The following KCNQ5 variants were observed in gnomAD, a reference collection of about 807,000 sequenced individuals.
KCNQ5 encodes the protein potassium voltage-gated channel subfamily Q member 5, also known as potassium voltage-gated channel subfamily KQT member 5.
Under a neutral mutation model 98.2 loss-of-function variants are expected in KCNQ5, and 30 were observed. The ratio of observed to expected loss-of-function variants is 0.31; its 90% CI spans 0.23 to 0.41. The LOEUF is 0.41. KCNQ5 is among the 10% of genes least tolerant of loss of function. KCNQ5 has a pLI of 1.00. For synonymous variants in KCNQ5, 458 were observed against 449.4 expected (o/e 1.02, Z -0.24); for missense variants, 835 against 1,182.5 (o/e 0.71, Z 4.31).
At chr6:72,655,024 CTGTCTTT>C (rs1425084478) in intron 1 of KCNQ5, among the ~76,000 whole-genome samples, 2 of 87,474 alleles carry the variant, frequency 2.3e-5, no homozygotes, top group Non-Finnish European at 3.9e-5. Context: ...CAAGGTCTGT[CTGTCTTT>C]CTTTCTTTCT....
At chr6:73,188,745 G>A (rs1450632885) in intron 11 of KCNQ5, among the ~76,000 whole-genome samples, 1 of 152,152 alleles carries the variant, frequency 6.6e-6, no homozygotes, top group Non-Finnish European at 1.5e-5. Context: ...AGCATTTTGG[G>A]AGGCTGAGGT....
chr6:73,116,855 A>C (rs76584804), intron 7 of KCNQ5, among the ~76,000 whole-genome samples: 4,066 of 152,328 alleles, frequency 0.027, 88 homozygotes, highest in East Asian at 0.1. Flanking sequence ...TTGAAAAAAT[A>C]AGCTCTGTGT....
At chr6:72,867,215 G>A (rs757405344) in intron 1 of KCNQ5, among the ~76,000 whole-genome samples, 4 of 152,164 alleles carry the variant, frequency 2.6e-5, no homozygotes, top group Non-Finnish European at 5.9e-5. Context: ...CTTAGCTTTT[G>A]CTTTCTCAGA....
At chr6:73,142,832 C>T (rs1301732679) in intron 10 of KCNQ5, among the ~76,000 whole-genome samples, 1 of 152,122 alleles carries the variant, frequency 6.6e-6, no homozygotes. Flanking sequence ...AGGAGAATCA[C>T]TTGAATCCAG....
intron 1 of KCNQ5, among the ~76,000 whole-genome samples, chr6:72,774,136 G>A (rs767782411): frequency 5.3e-5 from 8 of 152,086 alleles, no homozygotes; most frequent in Non-Finnish European, 8.8e-5. Context: ...GCAAATCTAG[G>A]TGTAAAGGTT....
chr6:72,677,978 C>T (rs1767498587), intron 1 of KCNQ5, among the ~76,000 whole-genome samples: 1 of 152,024 alleles, frequency 6.6e-6, no homozygotes, highest in Admixed American at 6.5e-5. Context: ...ATCAGATGAA[C>T]AAGATATTAT....
At chr6:73,180,246 A>G (rs145055709) in intron 11 of KCNQ5, among the ~76,000 whole-genome samples, 2 of 152,352 alleles carry the variant, frequency 1.3e-5, no homozygotes, top group East Asian at 3.9e-4. Flanking sequence ...GCCAGCGCCC[A>G]GCAGTTAACA....
At chr6:72,868,715 A>G (rs568520287) in intron 1 of KCNQ5, among the ~76,000 whole-genome samples, 34 of 152,178 alleles carry the variant, frequency 2.2e-4, no homozygotes, top group Non-Finnish European at 3.8e-4. Context: ...ACAGAGCTAA[A>G]TGGATGGCAG....
intron 1 of KCNQ5, among the ~76,000 whole-genome samples, chr6:72,670,899 G>T (rs1004808964): frequency 3.3e-5 from 5 of 152,192 alleles, no homozygotes; most frequent in African/African-American, 1.2e-4. Context: ...AGATCCTGTA[G>T]ACCCGGTAGG....
intron 1 of KCNQ5, among the ~76,000 whole-genome samples, chr6:72,673,446 A>T (rs753797355): frequency 1.3e-5 from 2 of 152,204 alleles, no homozygotes; most frequent in Non-Finnish European, 2.9e-5. Flanking sequence ...TTTACTGAGT[A>T]TAGTAAACAA....
intron 1 of KCNQ5, among the ~76,000 whole-genome samples, chr6:72,966,075 G>C (rs765903398): frequency 6.6e-5 from 10 of 152,142 alleles, no homozygotes; most frequent in Non-Finnish European, 1.5e-4. Flanking sequence ...ATCAGGTCCT[G>C]AAGCCAAATA....
chr6:73,167,282 C>G (rs1008224401), intron 10 of KCNQ5, among the ~76,000 whole-genome samples: 1 of 152,218 alleles, frequency 6.6e-6, no homozygotes, highest in Non-Finnish European at 1.5e-5. Flanking sequence ...ATGTATCTGA[C>G]AGGAGCAGGC....
intron 9 of KCNQ5, among the ~76,000 whole-genome samples, chr6:73,130,660 A>G (rs1299568183): frequency 6.6e-6 from 1 of 152,204 alleles, no homozygotes; most frequent in Non-Finnish European, 1.5e-5. Context: ...TTTTTAATCA[A>G]TTCAATGTGT....
At chr6:72,896,301 C>A (rs894749234) in intron 1 of KCNQ5, among the ~76,000 whole-genome samples, 2 of 152,148 alleles carry the variant, frequency 1.3e-5, no homozygotes, top group Admixed American at 6.5e-5. Flanking sequence ...CAAGTTTTAA[C>A]TTTGCATGTT....
At chr6:72,659,545 G>A (rs1420306174) in intron 1 of KCNQ5, among the ~76,000 whole-genome samples, 1 of 152,244 alleles carries the variant, frequency 6.6e-6, no homozygotes, top group African/African-American at 2.4e-5. Flanking sequence ...GGTGTCTGGT[G>A]AGGGCTACTC....
chr6:73,166,330 G>T (rs910900667), intron 10 of KCNQ5, among the ~76,000 whole-genome samples: 4 of 151,816 alleles, frequency 2.6e-5, no homozygotes, highest in Admixed American at 6.6e-5. Flanking sequence ...CAGCTACTTG[G>T]GAGGCTGAGG....
intron 1 of KCNQ5, among the ~76,000 whole-genome samples, chr6:72,987,933 C>A (rs1768877000): frequency 6.6e-6 from 1 of 152,096 alleles, no homozygotes; most frequent in Admixed American, 6.5e-5. Flanking sequence ...GTGGGTTATT[C>A]AGTTGTGCTG....
At chr6:73,166,178 A>G (rs1026473885) in intron 10 of KCNQ5, among the ~76,000 whole-genome samples, 1 of 152,012 alleles carries the variant, frequency 6.6e-6, no homozygotes, top group Non-Finnish European at 1.5e-5. Flanking sequence ...CACGCCTGTA[A>G]TCCCAGCACT....
intron 11 of KCNQ5, among the ~76,000 whole-genome samples, chr6:73,187,085 A>G (rs1346463090): frequency 3.3e-4 from 46 of 141,164 alleles, no homozygotes; most frequent in African/African-American, 1.2e-3. Flanking sequence ...TTTGAGACGG[A>G]GTCTTGCTCT....
Sources: gnomAD v4.1 joint callset for allele counts (sites outside exome capture counted in the v4.1 genomes callset) on GRCh38, gnomAD v4.1.1 for gene constraint, MANE v1.5 for transcripts, NCBI Gene and HGNC (gene_info 2026-07-23, HGNC 2026-07-21) for gene names.